Variants in PRR11 observed in about 807,000 individuals in gnomAD.
PRR11 encodes the protein proline rich 11, also known as proline-rich protein 11.
PRR11 carries 30 observed loss-of-function variants against 45.6 expected under a neutral mutation model. The observed-to-expected ratio is 0.66, with a 90% CI of 0.49 to 0.89. The LOEUF (loss-of-function observed/expected upper bound fraction) is 0.89. Ranked by LOEUF, PRR11 falls within the 40% of genes least tolerant of loss-of-function variation. The pLI, the probability that PRR11 is intolerant of heterozygous loss-of-function variation, is 0.00. For synonymous variants in PRR11, 128 were observed against 153.5 expected, an observed-to-expected ratio of 0.83 and a Z score of 1.23; for missense variants, 373 against 424.8, an observed-to-expected ratio of 0.88 and a Z score of 1.07.
chr17:59,165,752 A>G (rs887383852), intron 1 of PRR11, among the ~76,000 whole-genome samples: 2 of 152,054 alleles, frequency 1.3e-5, no homozygotes, highest in African/African-American at 4.8e-5. Flanking sequence ...AGATCGTGCC[A>G]TTGCACTCCA....
At position 59,201,856 on chromosome 17, in the gene PRR11, A is replaced by C. The variant is rs1176065952; in HGVS notation, c.*225A>C. The C allele has an allele frequency of 8.4e-6, 4 of 476,842 alleles. No homozygotes were observed. The highest frequency in any genetic ancestry group is 7.8e-5 in the African/African-American group (4 of 50,980). The allele number at this position is 476,842 out of a possible 1,614,324, so 29.5% of individuals were successfully genotyped here. A position where few individuals can be genotyped will look rare whatever the true frequency, so the allele number is the denominator to read the frequency against. ...CATAGTGGCGGGTGCCTGTAATCCC[A>C]GCTATGCGGGAGGCTAAGGCAGGAG... On this transcript the variant is annotated 3_prime_UTR_variant, in exon 10 of 10. Coordinates refer to ENST00000262293, the MANE Select transcript of PRR11 (RefSeq NM_018304.4).
chr17:59,159,728 A>G (rs533818761), intron 1 of PRR11, among the ~76,000 whole-genome samples: 1 of 152,276 alleles, frequency 6.6e-6, no homozygotes, highest in South Asian at 2.1e-4. Context: ...CCCCTGACAT[A>G]CCTTTCTCTG....
Position 59,201,958 on chromosome 17 carries a change from C to T in PRR11, c.*327C>T, listed in dbSNP as rs974139428. On this transcript the variant is annotated 3_prime_UTR_variant, in exon 10 of 10. Coordinates refer to ENST00000262293, the MANE Select transcript of PRR11 (RefSeq NM_018304.4). ...TGCACTCCAGCCTGAGCAACAAGAG[C>T]AAAACAAAAACAAACAAACAAACAA... 8 of 236,486 alleles carry T rather than the reference C, an allele frequency of 3.4e-5. No homozygotes were observed. The highest frequency in any genetic ancestry group is 2.0e-4 in the Admixed American group (4 of 20,148). The allele number at this position is 236,486 out of a possible 1,614,324, so 14.6% of individuals were successfully genotyped here. A position where few individuals can be genotyped will look rare whatever the true frequency, so the allele number is the denominator to read the frequency against.
At chr17:59,183,784 G>A (rs533543992) in intron 2 of PRR11, among the ~76,000 whole-genome samples, 6 of 152,090 alleles carry the variant, frequency 3.9e-5, no homozygotes, top group South Asian at 2.1e-4. Flanking sequence ...ATAAAATATC[G>A]CATGTACAAA....
intron 2 of PRR11, among the ~76,000 whole-genome samples, chr17:59,174,768 C>T (rs571169389): frequency 6.6e-6 from 1 of 152,314 alleles, no homozygotes; most frequent in South Asian, 2.1e-4. Context: ...GCCTCACAGT[C>T]CCTGGAGCTC....
At chr17:59,181,874 C>G in intron 2 of PRR11, 2 of 1,395,072 alleles carry the variant, frequency 1.4e-6, no homozygotes, top group South Asian at 2.4e-5. Flanking sequence ...TTCTCCAAGC[C>G]ATCTTTCTGG....
At position 59,185,572 on chromosome 17, in the gene PRR11, G is replaced by T; in HGVS notation, c.402+10G>T. The T allele has an allele frequency of 6.3e-7, 1 of 1,583,456 alleles. No individual in the cohort carries two copies. Among genetic ancestry groups the T allele is most frequent in the Admixed American group, 2.0e-5 (1 of 51,198 alleles). On this transcript the variant is annotated intron_variant, in intron 4 of 9. Transcript: ENST00000262293. Reference sequence around the variant, plus strand: ...CCAGGAAGCACTGAAGGTTGGTATTGTCAAATAAAAAGCAAATCTGGAATT... The same window carrying T: ...CCAGGAAGCACTGAAGGTTGGTATTTTCAAATAAAAAGCAAATCTGGAATT...
In PRR11 at chr17:59,205,764, G is replaced by A. The variant is rs1413427936; in HGVS notation, c.*4133G>A. Among the ~76,000 whole-genome samples, 2 of 151,520 alleles carry A rather than the reference G, an allele frequency of 1.3e-5. No individual in the cohort carries two copies. The highest frequency in any genetic ancestry group is 4.8e-5 in the African/African-American group (2 of 41,284). On this transcript the variant is annotated 3_prime_UTR_variant, in exon 10 of 10. Coordinates refer to ENST00000262293, the MANE Select transcript of PRR11 (RefSeq NM_018304.4). ...TAAATTAAAAAATTATAGGCTTGGG[G>A]GCCAGGCACAGTGGCTCACACCTGT... is the stretch of plus-strand genomic sequence containing the variant.
In PRR11 at chr17:59,173,414, T is replaced by C. The variant is rs1209782816; in HGVS notation, c.128+3534T>C. Among the ~76,000 whole-genome samples, 3 of 152,198 alleles carry C rather than the reference T, an allele frequency of 2.0e-5. No individual in the cohort carries two copies. In the East Asian group the frequency reaches 5.8e-4, roughly 29 times the overall value. On this transcript the variant is annotated intron_variant, in intron 2 of 9. Coordinates refer to ENST00000262293, the MANE Select transcript of PRR11 (RefSeq NM_018304.4). ...CAATGAATCTTGCTACTGGTCACTC[T>C]TTGGGTCCGCACTGCCTTTATGAGC...
At chr17:59,184,593 G>A (rs8066918) in intron 2 of PRR11, among the ~76,000 whole-genome samples, 5,065 of 152,290 alleles carry the variant, frequency 0.033, 315 homozygotes, top group African/African-American at 0.12. Flanking sequence ...TGCTATGGAA[G>A]TCCCATTGGT....
At chr17:59,188,837 G>A (rs1052155045) in intron 4 of PRR11, among the ~76,000 whole-genome samples, 1 of 151,832 alleles carries the variant, frequency 6.6e-6, no homozygotes, top group Non-Finnish European at 1.5e-5. Context: ...CTACTCAAGA[G>A]GCTGAGGCAG....
At chr17:59,181,492 C>T in intron 2 of PRR11, 1 of 1,123,678 alleles carries the variant, frequency 8.9e-7, no homozygotes, top group Non-Finnish European at 1.3e-6. Context: ...TGGAGGTGCT[C>T]TCTGGGGTGT....
At chr17:59,158,791 G>A (rs1183510152) in intron 1 of PRR11, among the ~76,000 whole-genome samples, 1 of 152,224 alleles carries the variant, frequency 6.6e-6, no homozygotes, top group East Asian at 1.9e-4. Context: ...ATGGTAAGGA[G>A]AAGAGACAGG....
In PRR11 at chr17:59,201,776, G is replaced by A; in HGVS notation, c.*145G>A. 2 of 758,636 alleles carry A rather than the reference G, an allele frequency of 2.6e-6. No individual in the cohort carries two copies. Among genetic ancestry groups the A allele is most frequent in the Non-Finnish European group, 4.4e-6 (2 of 453,088 alleles). The allele number at this position is 758,636 out of a possible 1,614,324, so 47.0% of individuals were successfully genotyped here. On this transcript the variant is annotated 3_prime_UTR_variant, in exon 10 of 10. Coordinates refer to ENST00000262293, the MANE Select transcript of PRR11 (RefSeq NM_018304.4). ...ACCTGAGGTCAGGAGTTTGAGACCAGCCTGGCCAACATGGTGAAACTCCTT... is the reference window on the plus strand; with the variant it reads ...ACCTGAGGTCAGGAGTTTGAGACCAACCTGGCCAACATGGTGAAACTCCTT...
intron 1 of PRR11, among the ~76,000 whole-genome samples, chr17:59,165,739 C>G (rs1335571406): frequency 6.6e-6 from 1 of 152,012 alleles, no homozygotes. Context: ...TTGCGGTGAG[C>G]CGAGATCGTG....
chr17:59,179,802 C>T (rs2147845078), intron 2 of PRR11: 5 of 1,359,214 alleles, frequency 3.7e-6, no homozygotes, highest in East Asian at 2.4e-5. Context: ...TCCGATGACT[C>T]CTCAGATTCG....
intron 4 of PRR11, among the ~76,000 whole-genome samples, 196 bp downstream of exon 4, chr17:59,185,758 G>C (rs2046811219): frequency 1.3e-5 from 2 of 152,198 alleles, no homozygotes; most frequent in Non-Finnish European, 2.9e-5. Flanking sequence ...GAAGAGCTGG[G>C]ATAATCTGAT....
At chr17:59,187,291 G>A (rs1231292532) in intron 4 of PRR11, among the ~76,000 whole-genome samples, 1 of 152,014 alleles carries the variant, frequency 6.6e-6, no homozygotes, top group Non-Finnish European at 1.5e-5. Flanking sequence ...AGTGAATCAG[G>A]GGCTGGGCGC....
At chr17:59,178,511 A>C (rs189645211) in intron 2 of PRR11, 91 of 526,376 alleles carry the variant, frequency 1.7e-4, no homozygotes, top group African/African-American at 1.6e-3. Context: ...CAGGCGAGGA[A>C]GCTTTTAATG....
Sources: allele counts gnomAD v4.1 joint callset (sites outside exome capture counted in the v4.1 genomes callset), GRCh38; gene constraint gnomAD v4.1.1; transcripts MANE v1.5; gene names NCBI Gene and HGNC (gene_info 2026-07-23, HGNC 2026-07-21).